Variants in SLAIN1 observed in about 807,000 individuals in gnomAD.
The protein encoded by SLAIN1 is SLAIN family member 1.
In SLAIN1, 17 loss-of-function variants were observed where a neutral mutation model predicts 55.4. That is an observed-to-expected ratio of 0.31 (90% CI 0.21 to 0.46). The LOEUF (loss-of-function observed/expected upper bound fraction) is 0.46, where lower values mean the gene tolerates loss of function less well. Ranked by LOEUF, SLAIN1 falls within the 20% of genes least tolerant of loss-of-function variation. The pLI is 1.00. For missense variants in SLAIN1, 682 were observed against 785.1 expected (o/e 0.87, Z 1.57); for synonymous variants, 348 against 337.4 (o/e 1.03, Z -0.35).
At chr13:77,759,321 G>A (rs1476120598) in intron 5 of SLAIN1, among the ~76,000 whole-genome samples, 1 of 152,006 alleles carries the variant, frequency 6.6e-6, no homozygotes. Context: ...TCAGATCTAG[G>A]AGCTTTTTGG....
chr13:77,718,030 G>T (rs2091224845), intron 1 of SLAIN1, among the ~76,000 whole-genome samples: 1 of 151,826 alleles, frequency 6.6e-6, no homozygotes, highest in Non-Finnish European at 1.5e-5. Flanking sequence ...ACTGAGCTGG[G>T]GCCCAAGAAT....
chr13:77,731,405 CTT>C (rs1872854993), intron 2 of SLAIN1, among the ~76,000 whole-genome samples: 1 of 152,118 alleles, frequency 6.6e-6, no homozygotes, highest in South Asian at 2.1e-4. Context: ...GCAAAAGAAA[CTT>C]TTGCTTATGC....
Position 77,698,252 on chromosome 13 carries a change from C to A in SLAIN1, c.339C>A (p.Gly113=). 1 of 1,392,010 alleles carries A rather than the reference C, an allele frequency of 7.2e-7. No individual in the cohort carries two copies. The highest frequency in any genetic ancestry group is 1.5e-5 in the South Asian group (1 of 67,382). The allele number at this position is 1,392,010 out of a possible 1,614,324, so 86.2% of individuals were successfully genotyped here. A position where few individuals can be genotyped will look rare whatever the true frequency, so the allele number is the denominator to read the frequency against. Reference sequence around the variant, plus strand: ...GGGGCGGTGGCGGCAGCGGTAGTGGCAGCGGCGGTGGCTCCAGCCCCGCGT... The same window carrying A: ...GGGGCGGTGGCGGCAGCGGTAGTGGAAGCGGCGGTGGCTCCAGCCCCGCGT... ...GAGGGGGSGS[G]SGGGSSPAFP... is the part of the protein sequence containing the mutation. The change falls in exon 1 of 7, where the codon GGC becomes GGA. Residue 113 remains glycine, a synonymous_variant. Transcript: ENST00000418532. This position sits in a 1 kb window ranked among gnomAD's most constrained non-coding sequence, Gnocchi z 4.1.
intron 5 of SLAIN1, among the ~76,000 whole-genome samples, chr13:77,757,019 G>A (rs935765774): frequency 2.0e-5 from 3 of 152,112 alleles, no homozygotes; most frequent in African/African-American, 7.2e-5. Flanking sequence ...TGTATTTTAT[G>A]TATATTATGC....
chr13:77,738,227 T>TATACACATAC (rs2154410211), intron 2 of SLAIN1, among the ~76,000 whole-genome samples: 1 of 150,430 alleles, frequency 6.6e-6, no homozygotes, highest in Admixed American at 6.6e-5. Context: ...CACATACATA[T>TATACACATAC]ATACATATAC....
chr13:77,751,833 T>C (rs1432122723), intron 4 of SLAIN1, among the ~76,000 whole-genome samples: 1 of 152,144 alleles, frequency 6.6e-6, no homozygotes, highest in Non-Finnish European at 1.5e-5. Flanking sequence ...GTACTTGAAT[T>C]AGTTTTGTCC....
rs2091163797 is a variant in SLAIN1 at position 77,712,611 on chromosome 13, TATCGTCAAAATGGCCATACTGCCC to T, written c.627-6919_627-6896del. Among the ~76,000 whole-genome samples the T allele has an allele frequency of 3.9e-5, 6 of 152,194 alleles. No individual in the cohort carries two copies. In the Middle Eastern group the frequency reaches 0.017, roughly 431 times the overall value. The stretch of plus-strand genomic sequence containing the variant: ...CATGCTCATGGATAGGAAGAATCAA[TATCGTCAAAATGGCCATACTGCCC>T]AAAGTAATTTATAGATTCAGTGCCA... On this transcript the variant is annotated intron_variant, in intron 1 of 6. Coordinates refer to ENST00000418532, the MANE Select transcript of SLAIN1 (RefSeq NM_001242868.2).
chr13:77,730,548 G>C (rs1480302408), intron 2 of SLAIN1, among the ~76,000 whole-genome samples: 1 of 152,124 alleles, frequency 6.6e-6, no homozygotes, highest in Non-Finnish European at 1.5e-5. Context: ...AAACATAAGG[G>C]TTTGATTTGT....
In SLAIN1 at chr13:77,698,231, C is replaced by T; in HGVS notation, c.318C>T (p.Gly106=). 2.2e-6 allele frequency: 3 copies of T among 1,337,410 alleles called. No individual in the cohort carries two copies. Among genetic ancestry groups the T allele is most frequent in the Non-Finnish European group, 9.6e-7 (1 of 1,040,698 alleles). 82.8% of individuals were successfully genotyped at this position (1,337,410 alleles called of 1,614,324 possible). A position where few individuals can be genotyped will look rare whatever the true frequency, so the allele number is the denominator to read the frequency against. ...LGLGLALGAG[G]GGGSGSGSGG... is the part of the protein sequence containing the mutation. Reference sequence around the variant, plus strand: ...TCGGGCTGGCGCTGGGCGCGGGGGGCGGTGGCGGCAGCGGTAGTGGCAGCG... The same window carrying T: ...TCGGGCTGGCGCTGGGCGCGGGGGGTGGTGGCGGCAGCGGTAGTGGCAGCG... The change falls in exon 1 of 7, where the codon GGC becomes GGT. Residue 106 remains glycine (G), a synonymous_variant. Transcript: ENST00000418532. This position sits in a 1 kb window ranked among gnomAD's most constrained non-coding sequence, Gnocchi z 4.1.
rs552074629 is a variant in SLAIN1 at position 77,745,391 on chromosome 13, C to G, written c.916+959C>G. On this transcript the variant is annotated intron_variant, in intron 3 of 6. Transcript: ENST00000418532. ...GTACAGTTTTGTTTTTTTTTAAGCACTGCATGTGAGTCTACAGTTATCTTA... is the reference window on the plus strand; with the variant it reads ...GTACAGTTTTGTTTTTTTTTAAGCAGTGCATGTGAGTCTACAGTTATCTTA... Among the ~76,000 whole-genome samples, 7 of 151,920 alleles carry G rather than the reference C, an allele frequency of 4.6e-5. No individual in the cohort carries two copies. The East Asian group carries it at 1.4e-3, about 29-fold the overall frequency.
At chr13:77,715,932 A>C (rs750598762) in intron 1 of SLAIN1, among the ~76,000 whole-genome samples, 1 of 152,092 alleles carries the variant, frequency 6.6e-6, no homozygotes, top group Non-Finnish European at 1.5e-5. Flanking sequence ...AGTCCAATTG[A>C]TGTTTTTTCT....
chr13:77,744,127 C>T (rs1246818485), intron 2 of SLAIN1, 156 bp from the exon 3 acceptor site: 2 of 669,790 alleles, frequency 3.0e-6, no homozygotes, highest in South Asian at 1.7e-5. Context: ...ATTGTGTACA[C>T]ATGATGTGCA....
intron 1 of SLAIN1, among the ~76,000 whole-genome samples, chr13:77,706,784 C>T (rs377447204): frequency 6.6e-6 from 1 of 152,116 alleles, no homozygotes; most frequent in East Asian, 1.9e-4. Context: ...ATTGTTCTGC[C>T]CTTACATAAG....
Position 77,760,869 on chromosome 13 carries a change from G to T in SLAIN1, c.1456G>T (p.Gly486Trp). The T allele has an allele frequency of 6.2e-7, 1 of 1,614,050 alleles. No individual in the cohort carries two copies. The highest frequency in any genetic ancestry group is 1.7e-4 in the Middle Eastern group (1 of 5,988). ...GCTTCAACACAGGGTCCACAGCGTG[G>T]GGCATTTCCCAGTGTCTATCCGACA... ...GQLQHRVHSV[G>W]HFPVSIRQPL... Residue 486 changes from glycine (G) to tryptophan (W), a missense_variant, in exon 6 of 7, where the codon GGG becomes TGG. Physicochemically the swap from Gly to Trp is radical, Grantham distance 184. Coordinates refer to ENST00000418532, the MANE Select transcript of SLAIN1 (RefSeq NM_001242868.2).
At chr13:77,759,944 A>G (rs1874885813) in intron 5 of SLAIN1, among the ~76,000 whole-genome samples, 1 of 152,186 alleles carries the variant, frequency 6.6e-6, no homozygotes, top group Non-Finnish European at 1.5e-5. Flanking sequence ...GATAAATAAA[A>G]CCATAGATAC....
intron 1 of SLAIN1, among the ~76,000 whole-genome samples, chr13:77,716,331 A>ATT (rs35867789): frequency 0.041 from 5,992 of 147,042 alleles, 320 homozygotes; most frequent in African/African-American, 0.13. Context: ...ATAGCTCTCC[A>ATT]TTTTTTTTTT....
At chr13:77,735,012 T>G (rs1873050472) in intron 2 of SLAIN1, among the ~76,000 whole-genome samples, 1 of 151,874 alleles carries the variant, frequency 6.6e-6, no homozygotes, top group African/African-American at 2.4e-5. Flanking sequence ...AGAGTGAGAC[T>G]CAGTCTCAAA....
intron 5 of SLAIN1, among the ~76,000 whole-genome samples, chr13:77,755,138 A>T (rs951113659): frequency 6.6e-6 from 1 of 152,036 alleles, no homozygotes. Context: ...AGGCAATATG[A>T]TGAAACCCCG....
At position 77,763,584 on chromosome 13, in the gene SLAIN1, T is replaced by C. The variant is rs532323066; in HGVS notation, c.*364T>C. On this transcript the variant is annotated 3_prime_UTR_variant, in exon 7 of 7. Transcript: ENST00000418532. ...TTTACTCACGTGTTCTAAACATCTT[T>C]CCATTACATGTTCTGTATTTTAATA... 29 of 190,282 alleles carry C rather than the reference T, an allele frequency of 1.5e-4. No homozygotes were observed. In the South Asian group the frequency reaches 2.9e-3, roughly 19 times the overall value. 11.8% of individuals were successfully genotyped at this position (190,282 alleles called of 1,614,324 possible). A position where few individuals can be genotyped will look rare whatever the true frequency, so the allele number is the denominator to read the frequency against.
Sources: allele counts gnomAD v4.1 joint callset (sites outside exome capture counted in the v4.1 genomes callset), GRCh38; gene constraint gnomAD v4.1.1; non-coding constraint Gnocchi (gnomAD v3.1); transcripts MANE v1.5; gene names NCBI Gene and HGNC (gene_info 2026-07-23, HGNC 2026-07-21).